TNIP1: variants seen among roughly 807,000 people sequenced by gnomAD.
The protein encoded by TNIP1 is TNFAIP3-interacting protein 1.
Under a neutral mutation model 86.6 loss-of-function variants are expected in TNIP1, and 22 were observed. That is an observed-to-expected ratio of 0.25 (90% CI 0.18 to 0.36). The LOEUF (loss-of-function observed/expected upper bound fraction) is 0.36. TNIP1 is among the 10% of genes least tolerant of loss of function. The pLI is 1.00. For synonymous variants in TNIP1, 294 were observed against 313.0 expected (o/e 0.94, Z 0.64); for missense variants, 709 against 820.6 (o/e 0.86, Z 1.66).
chr5:151,066,922 G>A (rs577691196), intron 1 of TNIP1, among the ~76,000 whole-genome samples: 2 of 152,300 alleles, frequency 1.3e-5, no homozygotes, highest in South Asian at 4.2e-4. Flanking sequence ...AGTTTCCCTT[G>A]CCCTGCAGCA....
In TNIP1 at chr5:151,049,319, C is replaced by T. The variant is rs187480174; in HGVS notation, c.846+505G>A. On this transcript the variant is annotated intron_variant, in intron 8 of 17. Transcript: ENST00000521591. ...TAGAGGATAGGGGAGTGGGCCAGCC[C>T]TGCAGCATCACCAGACCACACAGAC... Among the ~76,000 whole-genome samples the T allele has an allele frequency of 5.9e-3, 897 of 152,202 alleles. 4 individuals carry two copies. The highest frequency in any genetic ancestry group is 1.0e-2 in the South Asian group (48 of 4,816).
intron 1 of TNIP1, among the ~76,000 whole-genome samples, chr5:151,074,619 G>A (rs1763174662): frequency 6.6e-6 from 1 of 152,216 alleles, no homozygotes; most frequent in Non-Finnish European, 1.5e-5. Context: ...AAAAGGGGCT[G>A]GACAGGGGCT....
At chr5:151,085,655 G>T (rs1279860088), upstream of TNIP1, among the ~76,000 whole-genome samples, 2 of 152,090 alleles carry the variant, frequency 1.3e-5, no homozygotes, top group Non-Finnish European at 2.9e-5. Context: ...CCCTCCCACA[G>T]TTCCTAGGAG....
intron 7 of TNIP1, 86 bp from the exon 8 acceptor site, chr5:151,050,033 G>A: frequency 1.9e-6 from 3 of 1,584,208 alleles, no homozygotes; most frequent in African/African-American, 1.3e-5. Context: ...TATCGCATGA[G>A]TTGCAGCTGA....
chr5:151,049,700 G>A, intron 8 of TNIP1, 124 bp downstream of exon 8: 3 of 1,222,894 alleles, frequency 2.5e-6, no homozygotes, highest in African/African-American at 1.5e-5. Flanking sequence ...ACACGTAACA[G>A]CTAGAACCTT....
At chr5:151,032,718 C>T in intron 16 of TNIP1, 1 of 313,704 alleles carries the variant, frequency 3.2e-6, no homozygotes, top group South Asian at 3.0e-5. Flanking sequence ...AGAGGCCAGC[C>T]AGGAGGTTTC....
chr5:151,053,103 T>C (rs925024632), intron 6 of TNIP1, among the ~76,000 whole-genome samples: 4 of 28,836 alleles, frequency 1.4e-4, no homozygotes, highest in Non-Finnish European at 4.0e-4. Context: ...CTGTTTCTCT[T>C]TTTTTTTTTT....
At chr5:151,047,121 T>C (rs1759276529) in intron 8 of TNIP1, among the ~76,000 whole-genome samples, 1 of 152,208 alleles carries the variant, frequency 6.6e-6, no homozygotes, top group South Asian at 2.1e-4. Context: ...TTGCAGAAAC[T>C]TGAAAGACAG....
At chr5:151,045,796 C>A in intron 9 of TNIP1, 65 bp downstream of exon 9, 1 of 1,551,376 alleles carries the variant, frequency 6.4e-7, no homozygotes, top group South Asian at 1.1e-5. Flanking sequence ...CCAGGGCAAG[C>A]CTTTGTGCTG....
At chr5:151,059,883 A>C (rs1055944785) in intron 5 of TNIP1, among the ~76,000 whole-genome samples, 10 of 45,636 alleles carry the variant, frequency 2.2e-4, no homozygotes, top group African/African-American at 6.7e-4. Flanking sequence ...GCGCGCGCGC[A>C]TGCGTGTAAG....
upstream of TNIP1, among the ~76,000 whole-genome samples, chr5:151,081,584 G>C (rs1356761170): frequency 2.6e-5 from 4 of 152,226 alleles, no homozygotes; most frequent in African/African-American, 9.6e-5. Flanking sequence ...ACATTGTAAA[G>C]GATTCCCAGA....
intron 5 of TNIP1, among the ~76,000 whole-genome samples, chr5:151,058,997 C>T (rs1761039483): frequency 6.6e-6 from 1 of 152,220 alleles, no homozygotes; most frequent in Non-Finnish European, 1.5e-5. Context: ...TGTTTCAACT[C>T]TGCATCCATT....
In TNIP1 at chr5:151,063,453, T is replaced by C. The variant is rs930559243; in HGVS notation, c.271+160A>G. 3.7e-4 allele frequency among the ~76,000 whole-genome samples: 57 copies of C among 152,120 alleles called. 1 individual carries two copies. The highest frequency in any genetic ancestry group is 1.4e-3 in the African/African-American group (56 of 41,404). On this transcript the variant is annotated intron_variant, in intron 3 of 17. Transcript: ENST00000521591. ...TTGAAGTCCCTTCCAAATCTGACCTTCTGGGGGATGTGGCAGCCAAAACAT... is the reference window on the plus strand; with the variant it reads ...TTGAAGTCCCTTCCAAATCTGACCTCCTGGGGGATGTGGCAGCCAAAACAT...
At chr5:151,063,890 C>G in intron 2 of TNIP1, 143 bp from the exon 3 acceptor site, 1 of 1,017,248 alleles carries the variant, frequency 9.8e-7, no homozygotes, top group Non-Finnish European at 1.4e-6. Flanking sequence ...GCTCTGTGGG[C>G]CAAGTGGGAC....
At chr5:151,069,082 C>T (rs1356688867) in intron 1 of TNIP1, among the ~76,000 whole-genome samples, 1 of 152,252 alleles carries the variant, frequency 6.6e-6, no homozygotes, top group Admixed American at 6.5e-5. Context: ...GCAACAACCA[C>T]AGACCGTGAA....
rs1757217792 is a variant in TNIP1, at chr5:151,033,645, T to C, written c.1742A>G (p.His581Arg). 1.8e-6 allele frequency: 2 copies of C among 1,129,448 alleles called. No homozygotes were observed. Among genetic ancestry groups the C allele is most frequent in the South Asian group, 2.8e-5 (1 of 36,290 alleles). The allele number at this position is 1,129,448 out of a possible 1,614,324, so 70.0% of individuals were successfully genotyped here. A position where few individuals can be genotyped will look rare whatever the true frequency, so the allele number is the denominator to read the frequency against. Residue 581 changes from histidine to arginine, a missense_variant, in exon 16 of 18, where the codon CAC becomes CGC. Physicochemically the swap from His to Arg is conservative, Grantham distance 29 (BLOSUM62 0). Transcript: ENST00000521591. Reference protein sequence around the residue: ...RYPPPPMAMEHPPPLPNSRLF... With the variant: ...RYPPPPMAMERPPPLPNSRLF... Reference sequence around the variant, plus strand: ...GCGCGAGTTGGGGAGTGGGGGCGGGTGCTCCATGGCCATGGGGGGAGGGGG... The same window carrying C: ...GCGCGAGTTGGGGAGTGGGGGCGGGCGCTCCATGGCCATGGGGGGAGGGGG...
intron 15 of TNIP1, chr5:151,034,594 G>C (rs1757450997): frequency 3.1e-6 from 1 of 323,130 alleles, no homozygotes; most frequent in Admixed American, 5.0e-5. Context: ...GGGCATGGAA[G>C]GCTGGTACAT....
chr5:151,085,159 A>G (rs2113869233), upstream of TNIP1, among the ~76,000 whole-genome samples: 1 of 152,324 alleles, frequency 6.6e-6, no homozygotes, highest in African/African-American at 2.4e-5. Flanking sequence ...CGTCACGCAG[A>G]GGATAAGGTG....
At chr5:151,075,160 G>GA (rs1229729387) in intron 1 of TNIP1, among the ~76,000 whole-genome samples, 4 of 151,994 alleles carry the variant, frequency 2.6e-5, no homozygotes, top group East Asian at 1.9e-4. Context: ...AGAAATGCAA[G>GA]AAAAAAACCC....
Sources: gnomAD v4.1 joint callset for allele counts (sites outside exome capture counted in the v4.1 genomes callset) on GRCh38, gnomAD v4.1.1 for gene constraint, MANE v1.5 for transcripts, NCBI Gene and HGNC (gene_info 2026-07-23, HGNC 2026-07-21) for gene names.